CRTC3: variants seen among roughly 807,000 people sequenced by gnomAD.
CRTC3 encodes CREB regulated transcription coactivator 3.
In CRTC3, 26 loss-of-function variants were observed where a neutral mutation model predicts 74.5. That is an observed-to-expected ratio of 0.35 (90% CI 0.26 to 0.48). The LOEUF (loss-of-function observed/expected upper bound fraction) is 0.48. CRTC3 is among the 20% of genes least tolerant of loss of function. CRTC3 has a pLI of 0.99. For synonymous variants in CRTC3, 377 were observed against 325.8 expected (o/e 1.16, Z -1.69); for missense variants, 760 against 787.3 (o/e 0.97, Z 0.41).
chr15:90,638,569 G>C lies in CRTC3; in HGVS notation c.1390G>C (p.Ala464Pro), dbSNP rs780939631. ...CCAGCCCCTCCTGCAGCAGCCCCGC[G>C]CCCCTGAGGCCCCTGCCCAGCAGCC... The part of the protein sequence containing the change: ...LTQPLLQQPR[A>P]PEAPAQQPQA... The change falls in exon 12 of 15, where the codon GCC (alanine) becomes CCC (proline). Residue 464 changes from alanine (A) to proline (P), a missense_variant. This residue lies in a region of CRTC3 where 652 missense variants were observed against 635.2 expected (regional missense o/e 1.03). Transcript: ENST00000268184. 2 of 1,612,692 alleles carry C rather than the reference G, an allele frequency of 1.2e-6. No individual in the cohort carries two copies. The highest frequency in any genetic ancestry group is 1.7e-6 in the Non-Finnish European group (2 of 1,179,840).
intron 2 of CRTC3, among the ~76,000 whole-genome samples, chr15:90,584,203 C>G (rs1967606560): frequency 1.3e-5 from 2 of 150,562 alleles, no homozygotes; most frequent in Admixed American, 6.6e-5. Flanking sequence ...TGCCTTACTT[C>G]CTAAACTTGA....
intron 1 of CRTC3, 116 bp from the exon 2 acceptor site, chr15:90,539,923 A>C: frequency 2.7e-6 from 2 of 745,940 alleles, no homozygotes; most frequent in Non-Finnish European, 2.3e-6. Flanking sequence ...TACGTCGAGA[A>C]GAAATTGAAA....
In CRTC3 at chr15:90,607,455, C is replaced by T. The variant is rs774681224; in HGVS notation, c.554C>T (p.Ser185Leu). 1.1e-5 allele frequency: 18 copies of T among 1,610,046 alleles called. No homozygotes were observed. The highest frequency in any genetic ancestry group is 4.4e-5 in the South Asian group (4 of 90,624). ...PQDPYGGGGQ[S>L]AWPAPYMGFC... ...GACCCCTATGGAGGAGGGGGCCAGT[C>T]GGCCTGGCCTGCCCCATACATGGGT... Residue 185 changes from serine (S) to leucine (L), a missense_variant, in exon 6 of 15, where the codon TCG becomes TTG. Physicochemically the swap from Ser to Leu is moderately radical, Grantham distance 145 (BLOSUM62 -2). This residue lies in a region of CRTC3 where 652 missense variants were observed against 635.2 expected (regional missense o/e 1.03). Coordinates refer to ENST00000268184, the MANE Select transcript of CRTC3 (RefSeq NM_022769.5).
At chr15:90,590,928 G>T (rs1967784673) in intron 2 of CRTC3, among the ~76,000 whole-genome samples, 1 of 152,086 alleles carries the variant, frequency 6.6e-6, no homozygotes, top group Non-Finnish European at 1.5e-5. Flanking sequence ...AAAAGAGGCA[G>T]CTGTTAAATC....
At chr15:90,551,938 A>ACACG (rs1555446979) in intron 2 of CRTC3, among the ~76,000 whole-genome samples, 1 of 30,830 alleles carries the variant, frequency 3.2e-5, no homozygotes, top group African/African-American at 9.1e-5. Flanking sequence ...ACGCACACAC[A>ACACG]CACACGCACA....
At chr15:90,541,540 T>C (rs191299967) in intron 2 of CRTC3, among the ~76,000 whole-genome samples, 89 of 152,290 alleles carry the variant, frequency 5.8e-4, no homozygotes, top group African/African-American at 1.6e-3. Context: ...TACCTTCATA[T>C]ATCAAACTAC....
At chr15:90,605,653 C>T (rs1163570033) in intron 5 of CRTC3, among the ~76,000 whole-genome samples, 1 of 152,162 alleles carries the variant, frequency 6.6e-6, no homozygotes, top group African/African-American at 2.4e-5. Flanking sequence ...CTGATCTCAG[C>T]GGCCACGCTC....
Position 90,530,233 on chromosome 15 carries a change from C to A in CRTC3, c.132+30C>A. 1.5e-6 allele frequency: 1 copy of A among 663,428 alleles called. No homozygotes were observed. 41.1% of individuals were successfully genotyped at this position (663,428 alleles called of 1,614,324 possible). A position where few individuals can be genotyped will look rare whatever the true frequency, so the allele number is the denominator to read the frequency against. ...GGGCCCGGGCCGGCGCGGGCGGGGG[C>A]GGCCACGGCCGCGGGCGGGACCCGC... On this transcript the variant is annotated intron_variant, in intron 1 of 14. Coordinates refer to ENST00000268184, the MANE Select transcript of CRTC3 (RefSeq NM_022769.5). This position sits in a 1 kb window ranked among gnomAD's most constrained non-coding sequence, Gnocchi z 6.2.
At chr15:90,602,494 T>A in intron 4 of CRTC3, 109 bp downstream of exon 4, 1 of 680,220 alleles carries the variant, frequency 1.5e-6, no homozygotes, top group South Asian at 1.8e-5. Flanking sequence ...AAGCATAGAA[T>A]CCTGTTTTCT....
chr15:90,532,103 C>A (rs187606955), intron 1 of CRTC3, among the ~76,000 whole-genome samples: 10 of 152,216 alleles, frequency 6.6e-5, no homozygotes, highest in African/African-American at 2.4e-4. Flanking sequence ...GTCATTTTGC[C>A]CTTCACCTGG....
chr15:90,599,737 C>T lies in CRTC3; in HGVS notation c.352-2587C>T, dbSNP rs770470325. On this transcript the variant is annotated intron_variant, in intron 3 of 14. Coordinates refer to ENST00000268184, the MANE Select transcript of CRTC3 (RefSeq NM_022769.5). ...AAGGTTAAAATGCTAACTTACACCT[C>T]AACATTGAAATCACCAGCGTTTGAT... is the stretch of plus-strand genomic sequence containing the variant. Among the ~76,000 whole-genome samples the T allele has an allele frequency of 2.6e-5, 4 of 152,178 alleles. No homozygotes were observed. In the East Asian group the frequency reaches 7.7e-4, roughly 29 times the overall value.
chr15:90,546,915 G>A lies in CRTC3; in HGVS notation c.231+6778G>A, dbSNP rs539201835. On this transcript the variant is annotated intron_variant, in intron 2 of 14. Coordinates refer to ENST00000268184, the MANE Select transcript of CRTC3 (RefSeq NM_022769.5). ...TGGGATTACAGGCGTGAGCCACAAC[G>A]CCCGGCCAACACCTGCTAGGATTTT... 6.6e-5 allele frequency among the ~76,000 whole-genome samples: 10 copies of A among 152,166 alleles called. No individual in the cohort carries two copies. The South Asian group carries it at 1.0e-3, about 16-fold the overall frequency.
At chr15:90,603,172 G>A (rs968906060) in intron 4 of CRTC3, among the ~76,000 whole-genome samples, 11 of 152,152 alleles carry the variant, frequency 7.2e-5, no homozygotes, top group East Asian at 1.9e-4. Context: ...GGCCAGGCAC[G>A]GTGGCTCATG....
intron 1 of CRTC3, among the ~76,000 whole-genome samples, chr15:90,536,265 A>G (rs1181037860): frequency 6.6e-6 from 1 of 151,952 alleles, no homozygotes; most frequent in Non-Finnish European, 1.5e-5. Flanking sequence ...GCCAGGTGCC[A>G]TGGCTCATGC....
chr15:90,638,571 CCCT>C lies in CRTC3; in HGVS notation c.1393_1395del (p.Pro465del), dbSNP rs1184436741. ...AGCCCCTCCTGCAGCAGCCCCGCGC[CCCT>C]GAGGCCCCTGCCCAGCAGCCCCAGG... On this transcript the variant is annotated inframe_deletion, in exon 12 of 15. Coordinates refer to ENST00000268184, the MANE Select transcript of CRTC3 (RefSeq NM_022769.5). The C allele has an allele frequency of 6.2e-7, 1 of 1,612,940 alleles. No individual in the cohort carries two copies. Among genetic ancestry groups the C allele is most frequent in the Non-Finnish European group, 8.5e-7 (1 of 1,179,916 alleles).
rs1175467073 is a variant in CRTC3 at position 90,630,756 on chromosome 15, A to ATTTTTTTTTTTTTTTTTTTT, written c.1266+1237_1266+1256dup. 8.5e-5 allele frequency among the ~76,000 whole-genome samples: 2 copies of ATTTTTTTTTTTTTTTTTTTT among 23,632 alleles called. 1 individual carries two copies. The highest frequency in any genetic ancestry group is 2.1e-4 in the African/African-American group (2 of 9,398). 15.5% of individuals were successfully genotyped at this position (23,632 alleles called of 152,430 possible). On this transcript the variant is annotated intron_variant, in intron 11 of 14. Coordinates refer to ENST00000268184, the MANE Select transcript of CRTC3 (RefSeq NM_022769.5). Reference sequence around the variant, plus strand: ...CACATCCTCTGTCTATTACAGCATCATTTTTTTTTTTTTTTTTTTTTTTTT... The same window carrying ATTTTTTTTTTTTTTTTTTTT: ...CACATCCTCTGTCTATTACAGCATCATTTTTTTTTTTTTTTTTTTTTTTTTTTTTTTTTTTTTTTTTTTTT...
intron 2 of CRTC3, among the ~76,000 whole-genome samples, chr15:90,571,792 G>T (rs1341700487): frequency 6.6e-6 from 1 of 152,108 alleles, no homozygotes; most frequent in African/African-American, 2.4e-5. Context: ...GGAAGTATAT[G>T]CAAGCGTGTG....
intron 11 of CRTC3, 38 bp downstream of exon 11, chr15:90,629,570 C>T: frequency 6.3e-7 from 1 of 1,599,476 alleles, no homozygotes; most frequent in Non-Finnish European, 8.6e-7. Flanking sequence ...TACAGTGAAA[C>T]AGACTGCAAG....
At chr15:90,586,683 G>T (rs1353118223) in intron 2 of CRTC3, among the ~76,000 whole-genome samples, 2 of 151,962 alleles carry the variant, frequency 1.3e-5, no homozygotes, top group Non-Finnish European at 2.9e-5. Flanking sequence ...TACATGGAAG[G>T]ATGTATTTGG....
Sources: gnomAD v4.1 joint callset for allele counts (sites outside exome capture counted in the v4.1 genomes callset) on GRCh38, gnomAD v4.1.1 for gene constraint, gnomAD v4.1.1 regional missense constraint, Gnocchi (gnomAD v3.1) non-coding constraint, MANE v1.5 for transcripts, NCBI Gene and HGNC (gene_info 2026-07-23, HGNC 2026-07-21) for gene names.